HOXA3: variants seen among roughly 807,000 people sequenced by gnomAD.
The protein encoded by HOXA3 is homeobox protein Hox-A3.
HOXA3 carries 8 observed loss-of-function variants against 30.3 expected under a neutral mutation model. The observed-to-expected ratio is 0.26, with a 90% CI of 0.15 to 0.48. HOXA3 has a LOEUF of 0.48. Ranked by LOEUF, HOXA3 falls within the 20% of genes least tolerant of loss-of-function variation. The probability of loss-of-function intolerance (pLI) is 0.99; values close to 1 mark genes in which losing one functional copy is unlikely to be tolerated. For missense variants in HOXA3, 653 were observed against 614.4 expected (o/e 1.06, Z -0.66); for synonymous variants, 323 against 273.1 (o/e 1.18, Z -1.80).
chr7:27,131,584 CG>C (rs2128055507), intron 2 of HOXA3, among the ~76,000 whole-genome samples: 1 of 152,140 alleles, frequency 6.6e-6, no homozygotes, highest in South Asian at 2.1e-4. Flanking sequence ...TCTAATTTGA[CG>C]GGGGTTGTCG....
intron 2 of HOXA3, among the ~76,000 whole-genome samples, chr7:27,136,824 T>C (rs893489877): frequency 6.6e-6 from 1 of 152,196 alleles, no homozygotes; most frequent in African/African-American, 2.4e-5. Context: ...AAAACAAACC[T>C]GGGCAGACCT....
chr7:27,109,692 G>T (rs560430198), intron 5 of HOXA3, among the ~76,000 whole-genome samples: 8 of 152,232 alleles, frequency 5.3e-5, no homozygotes, highest in Non-Finnish European at 1.0e-4. Context: ...GCAAAGCATT[G>T]ATTCTGTCTT....
At chr7:27,137,032 A>G (rs1026104735) in intron 2 of HOXA3, among the ~76,000 whole-genome samples, 2 of 152,224 alleles carry the variant, frequency 1.3e-5, no homozygotes, top group Admixed American at 6.5e-5. Context: ...AGCCATGGAC[A>G]GACCCCCAGC....
intron 2 of HOXA3, among the ~76,000 whole-genome samples, chr7:27,134,489 T>C (rs1785656797): frequency 6.6e-6 from 1 of 152,256 alleles, no homozygotes; most frequent in Non-Finnish European, 1.5e-5. Flanking sequence ...GACATGTCTA[T>C]AAGGTGTGTC....
rs575414558 is a variant in HOXA3 at position 27,142,405 on chromosome 7, C to A, written c.-493-2219G>T. Among the ~76,000 whole-genome samples the A allele has an allele frequency of 8.5e-5, 13 of 152,318 alleles. No individual in the cohort carries two copies. The South Asian group carries it at 2.7e-3, about 32-fold the overall frequency. ...AGGCACAGCCCTCCCAGGCTGCCCA[C>A]CGCACAGAAACCCAGGAAGCAAGGC... On this transcript the variant is annotated intron_variant, in intron 1 of 5. Coordinates refer to ENST00000612286, the MANE Select transcript of HOXA3 (RefSeq NM_153631.3).
At chr7:27,109,110 T>A (rs2128038880) in intron 5 of HOXA3, among the ~76,000 whole-genome samples, 1 of 152,298 alleles carries the variant, frequency 6.6e-6, no homozygotes, top group African/African-American at 2.4e-5. Context: ...GTGGGAAACC[T>A]AATGTACACA....
chr7:27,128,511 T>A (rs1034456559), intron 2 of HOXA3: 1 of 152,238 alleles, frequency 6.6e-6, no homozygotes, highest in African/African-American at 2.4e-5. Flanking sequence ...AACACATGAA[T>A]CTTAGATTTT....
intron 4 of HOXA3, among the ~76,000 whole-genome samples, chr7:27,117,269 A>C (rs1033917432): frequency 1.3e-5 from 2 of 152,202 alleles, no homozygotes; most frequent in Non-Finnish European, 2.9e-5. Context: ...ACTTCCCTCC[A>C]ACCCAGGGCC....
intron 2 of HOXA3, chr7:27,133,979 C>T (rs1014074816): frequency 1.3e-5 from 2 of 152,226 alleles, no homozygotes; most frequent in Non-Finnish European, 2.9e-5. Context: ...GAGCAGGGTG[C>T]TTTGCCCAGG....
rs143439513 is a variant in HOXA3, at chr7:27,136,151, T to C, written c.-390+3932A>G. ...ATGTAAACTTTTGACCCTCAACTTT[T>C]TGACCTGCAGTTGTAACGCACTAAC... On this transcript the variant is annotated intron_variant, in intron 2 of 5. Coordinates refer to ENST00000612286, the MANE Select transcript of HOXA3 (RefSeq NM_153631.3). Among the ~76,000 whole-genome samples, 255 of 152,352 alleles carry C rather than the reference T, an allele frequency of 1.7e-3. 1 individual carries two copies. The highest frequency in any genetic ancestry group is 5.8e-3 in the African/African-American group (242 of 41,576).
At chr7:27,114,359 G>A (rs189834131) in intron 4 of HOXA3, among the ~76,000 whole-genome samples, 156 of 152,152 alleles carry the variant, frequency 1.0e-3, no homozygotes, top group Admixed American at 1.6e-3. Context: ...CCAATTGTGG[G>A]GTGAGGGGAA....
chr7:27,130,817 G>A, intron 2 of HOXA3: 2 of 1,319,528 alleles, frequency 1.5e-6, no homozygotes, highest in Non-Finnish European at 2.1e-6. Flanking sequence ...CTCCTGCCTC[G>A]CTTCCCATCC....
chr7:27,109,842 G>C (rs1784260027), intron 5 of HOXA3, among the ~76,000 whole-genome samples: 1 of 152,234 alleles, frequency 6.6e-6, no homozygotes, highest in Non-Finnish European at 1.5e-5. Context: ...TCCAAGAGTG[G>C]AGCAAGAAGA....
chr7:27,111,361 G>A (rs2128040927), intron 4 of HOXA3, among the ~76,000 whole-genome samples: 1 of 152,308 alleles, frequency 6.6e-6, no homozygotes, highest in Middle Eastern at 3.4e-3. Flanking sequence ...AACCATGCTG[G>A]ATTTCAGAAG....
intron 2 of HOXA3, among the ~76,000 whole-genome samples, chr7:27,136,439 A>C (rs1785717689): frequency 6.6e-6 from 1 of 152,234 alleles, no homozygotes. Context: ...AAGTGAAAGA[A>C]AAGAGAAGAT....
chr7:27,133,112 T>G (rs1166364084), intron 2 of HOXA3, among the ~76,000 whole-genome samples: 3 of 152,194 alleles, frequency 2.0e-5, no homozygotes. Context: ...TAACTTGTCT[T>G]TGTGGTTCGT....
chr7:27,114,863 A>AAT lies in HOXA3; in HGVS notation c.-120-4105_-120-4104dup, dbSNP rs1416340266. On this transcript the variant is annotated intron_variant, in intron 4 of 5. Coordinates refer to ENST00000612286, the MANE Select transcript of HOXA3 (RefSeq NM_153631.3). ...TATATATAATATATATTATATATAT[A>AAT]ATATATATTATATATATGTATATAC... 1.9e-4 allele frequency among the ~76,000 whole-genome samples: 6 copies of AAT among 32,084 alleles called. 1 individual carries two copies. 21.0% of individuals were successfully genotyped at this position (32,084 alleles called of 152,430 possible). A position where few individuals can be genotyped will look rare whatever the true frequency, so the allele number is the denominator to read the frequency against.
chr7:27,143,644 G>T, intron 1 of HOXA3: 2 of 1,555,574 alleles, frequency 1.3e-6, no homozygotes, highest in Non-Finnish European at 1.7e-6. Flanking sequence ...TGTGGCTCGC[G>T]GTCGTTTGTG....
At position 27,110,749 on chromosome 7, in the gene HOXA3, C is replaced by A; in HGVS notation, c.-109G>T. Reference sequence around the variant, plus strand: ...CGTGACACTCCGCCGCCAATGGCCGCCCCGCGCAGACCTGGTGGGGCGAGA... The same window carrying A: ...CGTGACACTCCGCCGCCAATGGCCGACCCGCGCAGACCTGGTGGGGCGAGA... On this transcript the variant is annotated 5_prime_UTR_variant, in exon 5 of 6. Transcript: ENST00000612286. The A allele has an allele frequency of 6.5e-7, 1 of 1,539,534 alleles. No individual in the cohort carries two copies. Among genetic ancestry groups the A allele is most frequent in the South Asian group, 1.2e-5 (1 of 85,346 alleles).
Sources: allele counts gnomAD v4.1 joint callset (sites outside exome capture counted in the v4.1 genomes callset), GRCh38; gene constraint gnomAD v4.1.1; transcripts MANE v1.5; gene names NCBI Gene and HGNC (gene_info 2026-07-23, HGNC 2026-07-21).